The following RANBP2 variants were observed in gnomAD, a reference collection of about 807,000 sequenced individuals.
RANBP2 encodes the protein RAN binding protein 2, also known as E3 SUMO-protein ligase RanBP2.
Under a neutral mutation model 303.6 loss-of-function variants are expected in RANBP2, and 57 were observed. The observed-to-expected ratio is 0.19, with a 90% CI of 0.15 to 0.23. RANBP2 has a LOEUF of 0.23. Ranked by LOEUF, RANBP2 falls within the 10% of genes least tolerant of loss-of-function variation. RANBP2 has a pLI of 1.00. For synonymous variants in RANBP2, 1,167 were observed against 1,301.5 expected (o/e 0.90, Z 2.23); for missense variants, 3,138 against 3,780.8 (o/e 0.83, Z 4.46).
the RANBP2 span, among the ~76,000 whole-genome samples, chr2:109,426,201 G>A: frequency 3.3e-5 from 5 of 152,188 alleles, no homozygotes; most frequent in Admixed American, 1.3e-4. Context: ...GAGCCACTGC[G>A]CCCGGCCAAG....
At chr2:109,123,773 G>A in the RANBP2 span, among the ~76,000 whole-genome samples, 2 of 152,158 alleles carry the variant, frequency 1.3e-5, no homozygotes, top group Admixed American at 6.5e-5. Context: ...GCTGTGGCTG[G>A]CTGCCAGTTC....
intron 19 of RANBP2, among the ~76,000 whole-genome samples, chr2:108,762,877 T>G (rs1367229959): frequency 6.6e-6 from 1 of 152,174 alleles, no homozygotes; most frequent in African/African-American, 2.4e-5. Flanking sequence ...ATTTTATGAC[T>G]TTAGCTGTAG....
chr2:108,737,551 C>CTTT (rs61550954), intron 6 of RANBP2, among the ~76,000 whole-genome samples: 16 of 119,522 alleles, frequency 1.3e-4, no homozygotes, highest in East Asian at 9.6e-4. Context: ...GTCTCAAGCT[C>CTTT]TTTTTTTTTT....
chr2:109,361,887 A>AT, the RANBP2 span, among the ~76,000 whole-genome samples: 3 of 152,064 alleles, frequency 2.0e-5, no homozygotes, highest in East Asian at 5.8e-4. Context: ...ATATTCTTTT[A>AT]TTTTTTTAAC....
the RANBP2 span, among the ~76,000 whole-genome samples, chr2:109,113,841 T>C: frequency 6.6e-6 from 1 of 152,268 alleles, no homozygotes; most frequent in Non-Finnish European, 1.5e-5. Flanking sequence ...GTTTTTAGCA[T>C]GAAGAGTTGT....
chr2:108,764,555 C>G lies in RANBP2; in HGVS notation c.4016C>G (p.Ala1339Gly). ...AACAAGGATATTTGCAAATCTGATG[C>G]TGGAAACCTGAATTTTGAATTTCAG... ...HDNKDICKSD[A>G]GNLNFEFQVA... is the part of the protein sequence containing the mutation. Residue 1339 changes from alanine (A) to glycine (G), a missense_variant, in exon 20 of 29, where the codon GCT (alanine) becomes GGT (glycine). Physicochemically the swap from Ala to Gly is moderately conservative, Grantham distance 60 (BLOSUM62 0). Transcript: ENST00000283195. 6.2e-7 allele frequency: 1 copy of G among 1,613,766 alleles called. No individual in the cohort carries two copies. Among genetic ancestry groups the G allele is most frequent in the South Asian group, 1.1e-5 (1 of 91,052 alleles).
rs538321475 is a variant in RANBP2 at position 108,768,486 on chromosome 2, T to G, written c.7849+98T>G. 72 of 1,593,622 alleles carry G rather than the reference T, an allele frequency of 4.5e-5. 1 individual carries two copies. The East Asian group carries it at 1.2e-3, about 27-fold the overall frequency. On this transcript the variant is annotated intron_variant, in intron 20 of 28. Coordinates refer to ENST00000283195, the MANE Select transcript of RANBP2 (RefSeq NM_006267.5). The stretch of plus-strand genomic sequence containing the variant: ...TAGGATACTAATGTTGGGATATAAA[T>G]GATGCTTTGTGAACACCCCCAAAAT...
At chr2:108,721,058 A>G (rs1390754893) in intron 1 of RANBP2, among the ~76,000 whole-genome samples, 2 of 152,090 alleles carry the variant, frequency 1.3e-5, no homozygotes, top group Admixed American at 1.3e-4. Context: ...AAACAAAAAC[A>G]AAAACAAAAA....
At chr2:109,698,017 G>A in the RANBP2 span, among the ~76,000 whole-genome samples, 2 of 151,580 alleles carry the variant, frequency 1.3e-5, no homozygotes, top group African/African-American at 4.9e-5. Context: ...GTGCCACCAT[G>A]CCCAGCTAAT....
chr2:108,929,181 G>T, the RANBP2 span: 5 of 1,613,604 alleles, frequency 3.1e-6, no homozygotes, highest in Middle Eastern at 1.6e-4. Context: ...GGGTTTGCCA[G>T]GAGGGCCTGT....
the RANBP2 span, among the ~76,000 whole-genome samples, chr2:108,839,949 C>T: frequency 6.6e-6 from 1 of 151,820 alleles, no homozygotes; most frequent in Non-Finnish European, 1.5e-5. Flanking sequence ...TGTTTCTCCT[C>T]TTAGGAGGAA....
At chr2:109,335,888 T>C in the RANBP2 span, among the ~76,000 whole-genome samples, 4 of 152,276 alleles carry the variant, frequency 2.6e-5, no homozygotes, top group African/African-American at 7.2e-5. Context: ...ATAAAGTGAA[T>C]GTGAAAGATG....
the RANBP2 span, among the ~76,000 whole-genome samples, chr2:109,519,816 A>G: frequency 6.6e-6 from 1 of 152,328 alleles, no homozygotes; most frequent in East Asian, 1.9e-4. Flanking sequence ...TGTATGTAGC[A>G]TCCCTGAAAT....
chr2:108,795,261 T>C, the RANBP2 span, among the ~76,000 whole-genome samples: 1 of 149,674 alleles, frequency 6.7e-6, no homozygotes, highest in African/African-American at 2.4e-5. Context: ...TTCCAGTGAT[T>C]CTCCTGCCTC....
At chr2:109,420,052 G>A in the RANBP2 span, among the ~76,000 whole-genome samples, 1 of 152,188 alleles carries the variant, frequency 6.6e-6, no homozygotes, top group African/African-American at 2.4e-5. Context: ...GCTTGGAAGT[G>A]GTTCTGTGTT....
At chr2:109,584,423 C>T in the RANBP2 span, among the ~76,000 whole-genome samples, 3 of 128,860 alleles carry the variant, frequency 2.3e-5, no homozygotes, top group East Asian at 2.2e-4. Flanking sequence ...TGCAGTGAGT[C>T]GAAATCATGC....
chr2:109,450,397 G>A, the RANBP2 span, among the ~76,000 whole-genome samples: 10 of 151,860 alleles, frequency 6.6e-5, no homozygotes, highest in Non-Finnish European at 1.0e-4. Context: ...AACTTGTTCC[G>A]GTTGCCACCC....
the RANBP2 span, among the ~76,000 whole-genome samples, chr2:109,293,616 A>C: frequency 6.6e-6 from 1 of 152,230 alleles, no homozygotes; most frequent in African/African-American, 2.4e-5. Context: ...AAGTAAGTCA[A>C]GTTTCCAAGA....
At chr2:109,483,345 C>T in the RANBP2 span, among the ~76,000 whole-genome samples, 1 of 152,230 alleles carries the variant, frequency 6.6e-6, no homozygotes, top group Non-Finnish European at 1.5e-5. Context: ...AGTGGTGCCT[C>T]TCACATGTCC....
Sources: gnomAD v4.1 joint callset for allele counts (sites outside exome capture counted in the v4.1 genomes callset) on GRCh38, gnomAD v4.1.1 for gene constraint, MANE v1.5 for transcripts, NCBI Gene and HGNC (gene_info 2026-07-23, HGNC 2026-07-21) for gene names.